Variants in TNRC6A observed in about 807,000 individuals in gnomAD.
TNRC6A encodes the protein trinucleotide repeat containing adaptor 6A.
A neutral mutation model predicts 221.2 loss-of-function variants in TNRC6A; 44 were observed. The observed-to-expected ratio is 0.20, with a 90% CI of 0.16 to 0.26. The LOEUF (loss-of-function observed/expected upper bound fraction) is 0.26, where lower values mean the gene tolerates loss of function less well. Among genes scored for constraint, TNRC6A ranks in the 10% least tolerant of loss-of-function variants. The probability of loss-of-function intolerance (pLI) is 1.00; values close to 1 mark genes in which losing one functional copy is unlikely to be tolerated. For synonymous variants in TNRC6A, 847 were observed against 838.5 expected (o/e 1.01, Z -0.18); for missense variants, 2,199 against 2,404.4 (o/e 0.91, Z 1.79).
chr16:24,812,505 C>T (rs1400794837), intron 18 of TNRC6A, among the ~76,000 whole-genome samples: 2 of 152,188 alleles, frequency 1.3e-5, no homozygotes, highest in African/African-American at 4.8e-5. Context: ...TTTCAGTAAA[C>T]AATGGGCCAT....
intron 2 of TNRC6A, among the ~76,000 whole-genome samples, chr16:24,730,626 A>G (rs1404699377): frequency 6.6e-6 from 1 of 151,890 alleles, no homozygotes; most frequent in Non-Finnish European, 1.5e-5. Flanking sequence ...TGTGTGACTC[A>G]TGATTGAGGC....
Position 24,778,368 on chromosome 16 carries a change from C to A in TNRC6A, c.589+1010C>A. 3.1e-6 allele frequency: 3 copies of A among 982,560 alleles called. No individual in the cohort carries two copies. In the South Asian group the frequency reaches 1.4e-4, roughly 46 times the overall value. 60.9% of individuals were successfully genotyped at this position (982,560 alleles called of 1,614,324 possible). On this transcript the variant is annotated intron_variant, in intron 5 of 24. Coordinates refer to ENST00000395799, the MANE Select transcript of TNRC6A (RefSeq NM_014494.4). ...GTGAATAAGTAGCAGATCCTGGACT[C>A]ACATCAAGATCTGTCTGACTCCAAA...
At chr16:24,772,939 T>C (rs1276073653) in intron 4 of TNRC6A, among the ~76,000 whole-genome samples, 5 of 152,214 alleles carry the variant, frequency 3.3e-5, no homozygotes, top group Non-Finnish European at 5.9e-5. Context: ...GTTAAATTAC[T>C]CCCTCCTCCA....
intron 2 of TNRC6A, among the ~76,000 whole-genome samples, chr16:24,652,272 T>G (rs997571855): frequency 6.6e-6 from 1 of 152,154 alleles, no homozygotes; most frequent in Non-Finnish European, 1.5e-5. Flanking sequence ...ACCAATTAAG[T>G]AGAATTCACT....
intron 2 of TNRC6A, among the ~76,000 whole-genome samples, chr16:24,671,285 A>C (rs532109884): frequency 6.6e-6 from 1 of 152,316 alleles, no homozygotes; most frequent in South Asian, 2.1e-4. Flanking sequence ...TAAGAGATTC[A>C]TACGGCTTAA....
chr16:24,719,514 T>C (rs1008965119), intron 2 of TNRC6A, among the ~76,000 whole-genome samples: 19 of 151,886 alleles, frequency 1.3e-4, no homozygotes, highest in African/African-American at 4.6e-4. Context: ...ATAAAAATTA[T>C]CTGGGTGTGG....
chr16:24,704,121 G>A (rs1035672945), intron 2 of TNRC6A, among the ~76,000 whole-genome samples: 3 of 150,036 alleles, frequency 2.0e-5, no homozygotes, highest in Admixed American at 6.7e-5. Context: ...TGGAGACAAA[G>A]TCTCCTTCTG....
intron 1 of TNRC6A, among the ~76,000 whole-genome samples, chr16:24,626,496 A>G (rs1900997255): frequency 6.6e-6 from 1 of 152,166 alleles, no homozygotes; most frequent in African/African-American, 2.4e-5. Flanking sequence ...CCTTGGAGCA[A>G]TTCAAGCCAT....
intron 22 of TNRC6A, among the ~76,000 whole-genome samples, chr16:24,820,732 G>A (rs1243986594): frequency 6.6e-6 from 1 of 152,214 alleles, no homozygotes; most frequent in Non-Finnish European, 1.5e-5. Context: ...TGTATTAAAT[G>A]GGGACATTTG....
intron 18 of TNRC6A, among the ~76,000 whole-genome samples, chr16:24,811,866 T>C (rs578161492): frequency 1.3e-5 from 2 of 152,102 alleles, no homozygotes; most frequent in East Asian, 3.9e-4. Context: ...GTTTATTAAC[T>C]AAACTTTAGG....
At chr16:24,813,129 G>A (rs1053047402) in intron 18 of TNRC6A, among the ~76,000 whole-genome samples, 12 of 151,820 alleles carry the variant, frequency 7.9e-5, no homozygotes, top group African/African-American at 2.2e-4. Flanking sequence ...CACCTGCTTC[G>A]GCCTCCCAAA....
intron 2 of TNRC6A, among the ~76,000 whole-genome samples, chr16:24,669,918 G>A (rs1056502851): frequency 4.1e-5 from 5 of 120,660 alleles, no homozygotes; most frequent in Non-Finnish European, 7.0e-5. Flanking sequence ...TTTTGTTCTC[G>A]TTATGACCCT....
At chr16:24,682,139 T>C (rs1334043448) in intron 2 of TNRC6A, among the ~76,000 whole-genome samples, 1 of 152,140 alleles carries the variant, frequency 6.6e-6, no homozygotes, top group Non-Finnish European at 1.5e-5. Context: ...CCAGATCTAC[T>C]TGAGTAATTA....
At chr16:24,624,131 G>A (rs890239805) in intron 1 of TNRC6A, among the ~76,000 whole-genome samples, 4 of 152,008 alleles carry the variant, frequency 2.6e-5, no homozygotes, top group Non-Finnish European at 5.9e-5. Context: ...GACAACTCGG[G>A]GTAAGTCCAC....
chr16:24,626,296 T>C (rs561592619), intron 1 of TNRC6A, among the ~76,000 whole-genome samples: 12 of 152,234 alleles, frequency 7.9e-5, no homozygotes, highest in African/African-American at 2.9e-4. Context: ...AAATGTTTTA[T>C]ATGTACAGAA....
chr16:24,808,416 C>T (rs930388669), intron 17 of TNRC6A, among the ~76,000 whole-genome samples: 8 of 152,204 alleles, frequency 5.3e-5, no homozygotes, highest in South Asian at 2.1e-4. Flanking sequence ...TTTTGTTGGA[C>T]ACAGCCACAT....
chr16:24,699,152 A>G (rs1189512557), intron 2 of TNRC6A, among the ~76,000 whole-genome samples: 2 of 152,200 alleles, frequency 1.3e-5, no homozygotes, highest in Non-Finnish European at 2.9e-5. Context: ...TTTAATCTTC[A>G]AAACTTCATT....
At chr16:24,703,450 C>T (rs2056029100) in intron 2 of TNRC6A, among the ~76,000 whole-genome samples, 3 of 152,150 alleles carry the variant, frequency 2.0e-5, no homozygotes, top group Admixed American at 6.6e-5. Context: ...TATGGTAGTG[C>T]ACATCTGTAG....
intron 2 of TNRC6A, among the ~76,000 whole-genome samples, chr16:24,645,834 CAAAAAAAAA>C (rs36106864): frequency 4.0e-3 from 107 of 26,636 alleles, no homozygotes; most frequent in Middle Eastern, 0.062. Flanking sequence ...CCTGTATCTA[CAAAAAAAAA>C]AAAAAAAAAA....
Sources: allele counts gnomAD v4.1 joint callset (sites outside exome capture counted in the v4.1 genomes callset), GRCh38; gene constraint gnomAD v4.1.1; transcripts MANE v1.5; gene names NCBI Gene and HGNC (gene_info 2026-07-23, HGNC 2026-07-21).